The following PCDH7 variants were observed in gnomAD, a reference collection of about 807,000 sequenced individuals.
PCDH7 encodes protocadherin 7.
Under a neutral mutation model 58.9 loss-of-function variants are expected in PCDH7, and 17 were observed. The observed-to-expected ratio is 0.29, with a 90% CI of 0.20 to 0.43. The LOEUF (loss-of-function observed/expected upper bound fraction) is 0.43. Among genes scored for constraint, PCDH7 ranks in the 20% least tolerant of loss-of-function variants. PCDH7 has a pLI of 1.00. For synonymous variants in PCDH7, 664 were observed against 616.4 expected, an observed-to-expected ratio of 1.08 and a Z score of -1.14; for missense variants, 1,274 against 1,441.0, an observed-to-expected ratio of 0.88 and a Z score of 1.88.
chr4:31,042,695 A>T (rs1208590001), intron 3 of PCDH7, among the ~76,000 whole-genome samples: 6 of 152,174 alleles, frequency 3.9e-5, no homozygotes, highest in South Asian at 2.1e-4. Flanking sequence ...AAGTGTAAAA[A>T]CTACCATTTG....
At chr4:30,963,251 T>C (rs1272861811) in intron 3 of PCDH7, among the ~76,000 whole-genome samples, 4 of 152,170 alleles carry the variant, frequency 2.6e-5, no homozygotes, top group Non-Finnish European at 5.9e-5. Flanking sequence ...ACTAAGCATA[T>C]GTTTTGAGGC....
chr4:30,975,069 C>CAGTCCCCCTGAGGAGGAGAG (rs1371229381), intron 3 of PCDH7, among the ~76,000 whole-genome samples: 9 of 151,986 alleles, frequency 5.9e-5, no homozygotes, highest in Non-Finnish European at 1.0e-4. Flanking sequence ...CAGGAGGAGA[C>CAGTCCCCCTGAGGAGGAGAG]AGTCCCCCTG....
chr4:31,065,484 G>C (rs934986740), intron 3 of PCDH7, among the ~76,000 whole-genome samples: 2 of 151,722 alleles, frequency 1.3e-5, no homozygotes, highest in Admixed American at 1.3e-4. Context: ...TCACATTCAG[G>C]GTAAAATTAA....
intron 3 of PCDH7, among the ~76,000 whole-genome samples, chr4:31,103,174 C>T (rs10010739): frequency 0.4 from 61,280 of 151,942 alleles, 14,378 homozygotes; most frequent in East Asian, 0.77. Context: ...TTTTGGTAAC[C>T]ATATTGCTTG....
chr4:31,126,075 G>A (rs1718259963), intron 3 of PCDH7, among the ~76,000 whole-genome samples: 1 of 151,692 alleles, frequency 6.6e-6, no homozygotes, highest in Non-Finnish European at 1.5e-5. Context: ...CTGTAAAGTG[G>A]AGTAATATAC....
intron 3 of PCDH7, among the ~76,000 whole-genome samples, chr4:31,126,228 A>T (rs1718283708): frequency 6.7e-6 from 1 of 150,216 alleles, no homozygotes; most frequent in African/African-American, 2.5e-5. Flanking sequence ...GGTTCAAGAG[A>T]TTCTCATGCC....
At chr4:30,872,306 G>A (rs1336176212) in intron 1 of PCDH7, among the ~76,000 whole-genome samples, 17 of 152,092 alleles carry the variant, frequency 1.1e-4, no homozygotes, top group Non-Finnish European at 1.5e-5. Flanking sequence ...AGGATCCAGA[G>A]AGATACTTTT....
intron 2 of PCDH7, among the ~76,000 whole-genome samples, chr4:30,924,090 G>A (rs1466876442): frequency 6.6e-6 from 1 of 152,004 alleles, no homozygotes; most frequent in East Asian, 1.9e-4. Flanking sequence ...TCTTGGAGTG[G>A]TATACAATGG....
intron 1 of PCDH7, among the ~76,000 whole-genome samples, chr4:30,854,661 T>C (rs376832461): frequency 3.3e-5 from 5 of 151,844 alleles, no homozygotes; most frequent in South Asian, 2.1e-4. Flanking sequence ...GAAAAAAGGG[T>C]TTAAAATTGT....
intron 3 of PCDH7, among the ~76,000 whole-genome samples, chr4:30,991,266 C>G (rs1052943025): frequency 2.6e-5 from 4 of 152,144 alleles, no homozygotes; most frequent in South Asian, 2.1e-4. Context: ...GTCAGAAGGT[C>G]AGTTTTCGTT....
chr4:30,907,704 G>T (rs1382213052), intron 1 of PCDH7, among the ~76,000 whole-genome samples: 1 of 152,058 alleles, frequency 6.6e-6, no homozygotes, highest in Non-Finnish European at 1.5e-5. Context: ...ATTCCTCAAG[G>T]ATCTGGAACT....
intron 3 of PCDH7, among the ~76,000 whole-genome samples, chr4:31,111,781 T>C (rs1039647963): frequency 3.9e-5 from 6 of 152,208 alleles, no homozygotes; most frequent in African/African-American, 1.4e-4. Flanking sequence ...TGCCAAATCA[T>C]TCCTGCAAAG....
At chr4:30,822,548 A>G (rs922141167) in intron 1 of PCDH7, among the ~76,000 whole-genome samples, 3 of 151,908 alleles carry the variant, frequency 2.0e-5, no homozygotes, top group African/African-American at 7.3e-5. Context: ...TCCTGTGGGG[A>G]TATTGTGTGC....
chr4:31,026,993 A>T (rs1754489288), intron 3 of PCDH7, among the ~76,000 whole-genome samples: 1 of 152,176 alleles, frequency 6.6e-6, no homozygotes, highest in Non-Finnish European at 1.5e-5. Context: ...AGATGCTAAC[A>T]TCTATTTCTA....
At chr4:30,849,562 G>C (rs1732445945) in intron 1 of PCDH7, among the ~76,000 whole-genome samples, 1 of 152,088 alleles carries the variant, frequency 6.6e-6, no homozygotes, top group South Asian at 2.1e-4. Context: ...TTATGAATGT[G>C]TAGCTTCTGC....
intron 1 of PCDH7, among the ~76,000 whole-genome samples, chr4:30,900,216 T>A (rs2109393602): frequency 6.6e-6 from 1 of 152,288 alleles, no homozygotes; most frequent in Admixed American, 6.5e-5. Context: ...AGAGGGGTTG[T>A]CTTATATCAT....
intron 1 of PCDH7, among the ~76,000 whole-genome samples, chr4:30,780,252 T>A (rs1722604801): frequency 6.6e-6 from 1 of 152,134 alleles, no homozygotes; most frequent in African/African-American, 2.4e-5. Context: ...ACGCCTGTAA[T>A]CCTAGCACTT....
At chr4:31,084,745 AG>A (rs1199606552) in intron 3 of PCDH7, among the ~76,000 whole-genome samples, 1 of 53,146 alleles carries the variant, frequency 1.9e-5, no homozygotes, top group East Asian at 8.1e-4. Flanking sequence ...GGAGGGGATG[AG>A]GGAGGGGAGG....
intron 1 of PCDH7, among the ~76,000 whole-genome samples, chr4:30,916,947 C>G (rs1348139778): frequency 6.6e-6 from 1 of 152,064 alleles, no homozygotes; most frequent in Non-Finnish European, 1.5e-5. Context: ...CTGGGTGATA[C>G]TAAGTCACAT....
Sources: gnomAD v4.1 joint callset for allele counts (sites outside exome capture counted in the v4.1 genomes callset) on GRCh38, gnomAD v4.1.1 for gene constraint, MANE v1.5 for transcripts, NCBI Gene and HGNC (gene_info 2026-07-23, HGNC 2026-07-21) for gene names.